Variants in LMO1 observed in about 807,000 individuals in gnomAD.
LMO1 encodes the protein rhombotin-1.
A neutral mutation model predicts 18.0 loss-of-function variants in LMO1; 10 were observed. That is an observed-to-expected ratio of 0.55 (90% CI 0.34 to 0.94). The LOEUF is 0.94. Among genes scored for constraint, LMO1 ranks in the 40% least tolerant of loss-of-function variants. The pLI is 0.02. For missense variants in LMO1, 183 were observed against 205.7 expected (o/e 0.89, Z 0.68); for synonymous variants, 77 against 77.9 (o/e 0.99, Z 0.06).
In LMO1 at chr11:8,254,793, G is replaced by A. The variant is rs1471901592; in HGVS notation, c.25+8545C>T. On this transcript the variant is annotated intron_variant, in intron 1 of 3. Coordinates refer to ENST00000335790, the MANE Select transcript of LMO1 (RefSeq NM_002315.3). ...CCACGTCTGACAGCTGGAAAAGGGA[G>A]CAGACAGAGCAGAGAGAGTGAGCGC... Among the ~76,000 whole-genome samples, 3 of 152,190 alleles carry A rather than the reference G, an allele frequency of 2.0e-5. No individual in the cohort carries two copies. The East Asian group carries it at 5.8e-4, about 29-fold the overall frequency.
At chr11:8,255,486 A>G (rs1242218306) in intron 1 of LMO1, among the ~76,000 whole-genome samples, 1 of 152,218 alleles carries the variant, frequency 6.6e-6, no homozygotes, top group Non-Finnish European at 1.5e-5. Context: ...CCTGGGCAAC[A>G]GAGTGAGATG....
At chr11:8,264,043 G>A (rs557347750), upstream of LMO1, among the ~76,000 whole-genome samples, 4 of 151,812 alleles carry the variant, frequency 2.6e-5, no homozygotes, top group African/African-American at 9.7e-5. Context: ...CCAGGGTCGT[G>A]GTCTTCAATG....
At chr11:8,250,339 T>G (rs192258617) in intron 1 of LMO1, among the ~76,000 whole-genome samples, 19 of 152,382 alleles carry the variant, frequency 1.2e-4, no homozygotes, top group African/African-American at 4.6e-4. Flanking sequence ...TTTGTGTTAA[T>G]TATTTCAACC....
rs756472074 is a variant in LMO1, at chr11:8,230,321, T to C, written c.209A>G (p.Asn70Ser). ...GTAGTCGCGTCGGCACAGGATGAGG[T>C]TGGCCTTGGTGTAGAGGGTGGAGCC... Reference protein sequence around the residue: ...EVGSTLYTKANLILCRRDYLR... With the variant: ...EVGSTLYTKASLILCRRDYLR... The change falls in exon 2 of 4, where the codon AAC becomes AGC. Residue 70 changes from asparagine to serine, a missense_variant. By Grantham distance (46) the Asn-to-Ser change is conservative (BLOSUM62 1). Transcript: ENST00000335790. 6.2e-6 allele frequency: 10 copies of C among 1,613,886 alleles called. No individual in the cohort carries two copies. The Admixed American group carries it at 1.5e-4, about 24-fold the overall frequency.
intron 1 of LMO1, among the ~76,000 whole-genome samples, chr11:8,254,622 C>A (rs1378819087): frequency 1.6e-5 from 1 of 63,668 alleles, no homozygotes; most frequent in African/African-American, 3.1e-5. Context: ...GGTCCCTCCC[C>A]ACCGAGGCTG....
intron 1 of LMO1, among the ~76,000 whole-genome samples, chr11:8,240,877 G>A (rs1252698065): frequency 6.6e-6 from 1 of 152,184 alleles, no homozygotes; most frequent in South Asian, 2.1e-4. Context: ...AGCAGGTGTA[G>A]ATGCAGTCTG....
intron 2 of LMO1, among the ~76,000 whole-genome samples, chr11:8,229,975 G>A: frequency 6.6e-6 from 1 of 152,214 alleles, no homozygotes; most frequent in Non-Finnish European, 1.5e-5. Flanking sequence ...GATCAGGTGG[G>A]TCAGAAGCAC....
At chr11:8,251,804 G>A (rs1481078421) in intron 1 of LMO1, among the ~76,000 whole-genome samples, 1 of 151,618 alleles carries the variant, frequency 6.6e-6, no homozygotes, top group Non-Finnish European at 1.5e-5. Flanking sequence ...GAGTGCGTGT[G>A]TGAGTGTGTG....
chr11:8,239,225 CAGATGGTGCTG>C (rs961548830), intron 1 of LMO1, among the ~76,000 whole-genome samples: 14 of 152,154 alleles, frequency 9.2e-5, no homozygotes, highest in African/African-American at 3.4e-4. Flanking sequence ...GCCTGGATGC[CAGATGGTGCTG>C]GGGTGGGGGC....
chr11:8,267,894 G>T (rs915554810), upstream of LMO1, among the ~76,000 whole-genome samples: 1 of 152,216 alleles, frequency 6.6e-6, no homozygotes, highest in Non-Finnish European at 1.5e-5. Context: ...CAGCCATCCC[G>T]CAGCTACGGA....
At chr11:8,259,967 C>A (rs960970559) in intron 1 of LMO1, among the ~76,000 whole-genome samples, 1 of 152,158 alleles carries the variant, frequency 6.6e-6, no homozygotes, top group Non-Finnish European at 1.5e-5. Context: ...CCACAACCCG[C>A]CTGCTGCTTC....
upstream of LMO1, among the ~76,000 whole-genome samples, chr11:8,265,859 A>G (rs2134595998): frequency 6.6e-6 from 1 of 152,066 alleles, no homozygotes; most frequent in South Asian, 2.1e-4. Context: ...CTTACTACTG[A>G]CCTCCAGGGG....
At chr11:8,247,356 A>G (rs1846912432) in intron 1 of LMO1, among the ~76,000 whole-genome samples, 1 of 152,226 alleles carries the variant, frequency 6.6e-6, no homozygotes, top group African/African-American at 2.4e-5. Flanking sequence ...GCTTAGATCC[A>G]GTCCACGAGG....
intron 1 of LMO1, among the ~76,000 whole-genome samples, chr11:8,234,708 A>T (rs204924): frequency 5.9e-5 from 9 of 152,296 alleles, no homozygotes; most frequent in Middle Eastern, 3.4e-3. Flanking sequence ...CCCTCCCACA[A>T]GCCAGTGTCT....
intron 1 of LMO1, among the ~76,000 whole-genome samples, chr11:8,258,760 T>C (rs1475914898): frequency 6.6e-6 from 1 of 152,178 alleles, no homozygotes; most frequent in East Asian, 1.9e-4. Flanking sequence ...ACATACATTT[T>C]CATGTGCTAA....
At chr11:8,240,070 G>T (rs896413171) in intron 1 of LMO1, among the ~76,000 whole-genome samples, 1 of 152,036 alleles carries the variant, frequency 6.6e-6, no homozygotes, top group African/African-American at 2.4e-5. Context: ...CCCAGGGCCA[G>T]AGGCAGCATC....
intron 1 of LMO1, among the ~76,000 whole-genome samples, chr11:8,234,555 C>T (rs910894348): frequency 6.6e-6 from 1 of 152,102 alleles, no homozygotes; most frequent in Non-Finnish European, 1.5e-5. Flanking sequence ...GGATGCTTAC[C>T]CCAGTGAGCT....
chr11:8,262,588 C>A (rs1847204358), intron 1 of LMO1, among the ~76,000 whole-genome samples: 1 of 152,220 alleles, frequency 6.6e-6, no homozygotes, highest in South Asian at 2.1e-4. Flanking sequence ...TTTTCTAGGG[C>A]GCACTGAGGC....
chr11:8,238,335 A>G (rs1952797340), intron 1 of LMO1, among the ~76,000 whole-genome samples: 1 of 152,206 alleles, frequency 6.6e-6, no homozygotes, highest in South Asian at 2.1e-4. Context: ...TTTCATTTAT[A>G]TGTAGCTCCC....
Sources: gnomAD v4.1 joint callset for allele counts (sites outside exome capture counted in the v4.1 genomes callset) on GRCh38, gnomAD v4.1.1 for gene constraint, MANE v1.5 for transcripts, NCBI Gene and HGNC (gene_info 2026-07-23, HGNC 2026-07-21) for gene names.